ENOX1: variants seen among roughly 807,000 people sequenced by gnomAD.
ENOX1 encodes the protein ecto-NOX disulfide-thiol exchanger 1, also known as candidate growth-related and time keeping constitutive hydroquinone (NADH) oxidase.
In ENOX1, 42 loss-of-function variants were observed where a neutral mutation model predicts 82.5. The observed-to-expected ratio is 0.51, with a 90% CI of 0.40 to 0.66. The LOEUF (loss-of-function observed/expected upper bound fraction) is 0.66. Among genes scored for constraint, ENOX1 ranks in the 30% least tolerant of loss-of-function variants. The pLI is 0.00. For missense variants in ENOX1, 608 were observed against 811.6 expected (o/e 0.75, Z 3.05); for synonymous variants, 271 against 282.2 (o/e 0.96, Z 0.40).
intron 14 of ENOX1, among the ~76,000 whole-genome samples, chr13:43,263,571 T>G (rs929346236): frequency 6.6e-6 from 1 of 152,264 alleles, no homozygotes; most frequent in Non-Finnish European, 1.5e-5. Flanking sequence ...GATACTGTGT[T>G]AGGCCTGTCT....
intron 12 of ENOX1, among the ~76,000 whole-genome samples, chr13:43,269,897 TTATAA>T (rs1180457738): frequency 4.6e-5 from 7 of 152,152 alleles, no homozygotes; most frequent in Non-Finnish European, 8.8e-5. Flanking sequence ...GATGAAAAAA[TTATAA>T]TATAGTCAAC....
chr13:43,571,570 A>C (rs2080181680), intron 2 of ENOX1, among the ~76,000 whole-genome samples: 1 of 152,004 alleles, frequency 6.6e-6, no homozygotes, highest in Non-Finnish European at 1.5e-5. Context: ...CATGCCTGTA[A>C]TCCCAGCTAC....
intron 1 of ENOX1, among the ~76,000 whole-genome samples, chr13:43,694,298 A>G (rs1316570412): frequency 6.6e-6 from 1 of 152,090 alleles, no homozygotes; most frequent in Non-Finnish European, 1.5e-5. Flanking sequence ...AATCAGTCTT[A>G]ACAACCCCAA....
At chr13:43,763,234 C>T (rs957872010) in intron 1 of ENOX1, among the ~76,000 whole-genome samples, 3 of 152,114 alleles carry the variant, frequency 2.0e-5, no homozygotes, top group Admixed American at 2.0e-4. Flanking sequence ...ATCTATTTCT[C>T]ACAGTTCTGG....
intron 2 of ENOX1, among the ~76,000 whole-genome samples, chr13:43,487,262 T>C (rs931452595): frequency 6.6e-6 from 1 of 152,064 alleles, no homozygotes; most frequent in Admixed American, 6.6e-5. Context: ...GCTATGAAGC[T>C]CAGAGGAATT....
rs1006921999 is a variant in ENOX1 at position 43,351,279 on chromosome 13, C to A, written c.823+4640G>T. On this transcript the variant is annotated intron_variant, in intron 8 of 16. Coordinates refer to ENST00000690772, the MANE Select transcript of ENOX1 (RefSeq NM_001347969.2). ...AAGAGTTAATGTTCCCTTCTACCCC[C>A]AAAACACACATGCAATCTCCTTAAC... Among the ~76,000 whole-genome samples the A allele has an allele frequency of 2.6e-5, 4 of 152,152 alleles. No homozygotes were observed. The East Asian group carries it at 5.8e-4, about 22-fold the overall frequency.
chr13:43,431,970 G>C (rs2055698410), intron 3 of ENOX1, among the ~76,000 whole-genome samples: 1 of 152,114 alleles, frequency 6.6e-6, no homozygotes, highest in East Asian at 1.9e-4. Flanking sequence ...GCCAAGTATA[G>C]GCCTTATACC....
In ENOX1 at chr13:43,630,456, TA is replaced by T. The variant is rs376789333; in HGVS notation, c.-219+37022del. ...CTATCATTTAAGATAGAAATACAAT[TA>T]AAACACTCTCCCCTCAATTAAAGCT... On this transcript the variant is annotated intron_variant, in intron 2 of 16. Transcript: ENST00000690772. 4.0e-3 allele frequency among the ~76,000 whole-genome samples: 611 copies of T among 152,154 alleles called. 2 individuals are homozygous for T. The highest frequency in any genetic ancestry group is 0.014 in the African/African-American group (585 of 41,522).
At chr13:43,351,927 T>C (rs182474345) in intron 8 of ENOX1, among the ~76,000 whole-genome samples, 1 of 152,284 alleles carries the variant, frequency 6.6e-6, no homozygotes, top group East Asian at 1.9e-4. Context: ...TGAAGGTCAA[T>C]AACACATAAG....
chr13:43,775,184 T>G lies in ENOX1; in HGVS notation c.-285+11468A>C, dbSNP rs1342479503. On this transcript the variant is annotated intron_variant, in intron 1 of 16. Transcript: ENST00000690772. ...TTTAGAGACAAAGCCTCCCATGATC[T>G]TTCACCCAGGCTGGAGTATAATGGC... is the stretch of plus-strand genomic sequence containing the variant. Among the ~76,000 whole-genome samples, 8 of 152,206 alleles carry G rather than the reference T, an allele frequency of 5.3e-5. No homozygotes were observed. The East Asian group carries it at 1.6e-3, about 29-fold the overall frequency.
intron 2 of ENOX1, among the ~76,000 whole-genome samples, chr13:43,637,878 T>G (rs2083473523): frequency 1.3e-5 from 2 of 152,168 alleles, no homozygotes; most frequent in South Asian, 4.1e-4. Flanking sequence ...GGGTTTAATT[T>G]GAAATCCATC....
chr13:43,650,327 GA>G (rs1175814782), intron 2 of ENOX1, among the ~76,000 whole-genome samples: 2 of 151,728 alleles, frequency 1.3e-5, no homozygotes, highest in African/African-American at 4.8e-5. Context: ...TTCTTTTTAT[GA>G]CCCTTTAAAA....
At chr13:43,597,364 A>G (rs941857715) in intron 2 of ENOX1, among the ~76,000 whole-genome samples, 1 of 152,192 alleles carries the variant, frequency 6.6e-6, no homozygotes, top group Non-Finnish European at 1.5e-5. Flanking sequence ...TGGGAATGGA[A>G]TCTAAATCTG....
chr13:43,382,871 T>A (rs1192910131), intron 5 of ENOX1, among the ~76,000 whole-genome samples: 1 of 152,144 alleles, frequency 6.6e-6, no homozygotes, highest in African/African-American at 2.4e-5. Flanking sequence ...CCAAGCTATA[T>A]CCAGCCAAGG....
Position 43,431,777 on chromosome 13 carries a change from G to T in ENOX1, c.-74-18789C>A, listed in dbSNP as rs917332090. 9.2e-5 allele frequency among the ~76,000 whole-genome samples: 14 copies of T among 151,914 alleles called. 1 individual carries two copies. The highest frequency in any genetic ancestry group is 7.4e-5 in the Non-Finnish European group (5 of 67,988). ...TATATTCCTGATGCTTTGACATATG[G>T]GTCCTTGCTGACATTGGAGGGATCT... On this transcript the variant is annotated intron_variant, in intron 3 of 16. Coordinates refer to ENST00000690772, the MANE Select transcript of ENOX1 (RefSeq NM_001347969.2).
intron 1 of ENOX1, among the ~76,000 whole-genome samples, chr13:43,708,374 G>A (rs1314740259): frequency 1.3e-5 from 2 of 152,154 alleles, no homozygotes; most frequent in African/African-American, 4.8e-5. Flanking sequence ...AAGCCCCAAG[G>A]CAAAGGTCAA....
intron 3 of ENOX1, among the ~76,000 whole-genome samples, chr13:43,437,306 G>GA (rs1395560356): frequency 6.6e-6 from 1 of 152,094 alleles, no homozygotes; most frequent in African/African-American, 2.4e-5. Flanking sequence ...GTGATGGGGG[G>GA]ATTTACTCAC....
chr13:43,763,651 A>G (rs928211978), intron 1 of ENOX1, among the ~76,000 whole-genome samples: 2 of 152,172 alleles, frequency 1.3e-5, no homozygotes, highest in Non-Finnish European at 2.9e-5. Flanking sequence ...AATACCAGAA[A>G]TGAATACCTC....
At chr13:43,490,690 G>A (rs1301283478) in intron 2 of ENOX1, among the ~76,000 whole-genome samples, 1 of 152,102 alleles carries the variant, frequency 6.6e-6, no homozygotes, top group Non-Finnish European at 1.5e-5. Flanking sequence ...CCTCCCCTCC[G>A]GAATAACCAT....
Sources: allele counts gnomAD v4.1 joint callset (sites outside exome capture counted in the v4.1 genomes callset), GRCh38; gene constraint gnomAD v4.1.1; transcripts MANE v1.5; gene names NCBI Gene and HGNC (gene_info 2026-07-23, HGNC 2026-07-21).